The following CTNND2 variants were observed in gnomAD, a reference collection of about 807,000 sequenced individuals.
CTNND2 encodes the protein catenin delta 2.
Under a neutral mutation model 144.4 loss-of-function variants are expected in CTNND2, and 22 were observed. The observed-to-expected ratio is 0.15, with a 90% CI of 0.11 to 0.22. The LOEUF is 0.22. Ranked by LOEUF, CTNND2 falls within the 10% of genes least tolerant of loss-of-function variation. The pLI is 1.00. For synonymous variants in CTNND2, 751 were observed against 695.6 expected, an observed-to-expected ratio of 1.08 and a Z score of -1.25; for missense variants, 1,353 against 1,618.8, an observed-to-expected ratio of 0.84 and a Z score of 2.82.
rs1024489062 is a variant in CTNND2, at chr5:11,364,853, G to A, written c.1215C>T (p.His405=). Residue 405 remains histidine, a synonymous_variant, in exon 8 of 22, where the codon CAC becomes CAT. Transcript: ENST00000304623. The part of the protein sequence containing the change: ...SRASYSSQHG[H]LGPELRALQS... ...GCAGGGCCCGCAACTCTGGGCCCAG[G>A]TGCCCATGCTGGCTGCTGTATGAGG... 1.2e-6 allele frequency: 2 copies of A among 1,613,398 alleles called. No individual in the cohort carries two copies. The highest frequency in any genetic ancestry group is 2.2e-5 in the East Asian group (1 of 44,774).
intron 11 of CTNND2, 110 bp from the exon 12 acceptor site, chr5:11,159,869 G>A (rs2149768115): frequency 1.2e-6 from 1 of 817,726 alleles, no homozygotes; most frequent in East Asian, 2.6e-5. Context: ...TGAAAATACT[G>A]TGGACACACA....
intron 1 of CTNND2, among the ~76,000 whole-genome samples, chr5:11,826,113 A>C (rs1793585389): frequency 6.6e-6 from 1 of 152,040 alleles, no homozygotes; most frequent in South Asian, 2.1e-4. Context: ...AAATTTTTTA[A>C]TCATTTAAAA....
chr5:10,986,618 C>T (rs1737992528), intron 20 of CTNND2: 1 of 449,106 alleles, frequency 2.2e-6, no homozygotes, highest in South Asian at 1.6e-5. Flanking sequence ...TAAGGGGAAA[C>T]AGTGAATGTG....
chr5:11,672,939 G>T (rs994164322), intron 2 of CTNND2, among the ~76,000 whole-genome samples: 1 of 152,132 alleles, frequency 6.6e-6, no homozygotes, highest in Admixed American at 6.5e-5. Context: ...GCTGCACCCT[G>T]TCCAACCAGT....
intron 2 of CTNND2, among the ~76,000 whole-genome samples, chr5:11,652,303 T>G (rs1189389733): frequency 6.6e-6 from 1 of 151,980 alleles, no homozygotes; most frequent in Non-Finnish European, 1.5e-5. Flanking sequence ...CCTTTTGCCT[T>G]CTGTCATAAT....
At chr5:11,899,038 T>C (rs1269463917) in intron 1 of CTNND2, among the ~76,000 whole-genome samples, 1 of 152,118 alleles carries the variant, frequency 6.6e-6, no homozygotes, top group East Asian at 1.9e-4. Context: ...CTCTTAAGAG[T>C]GAAACAAAGC....
intron 1 of CTNND2, among the ~76,000 whole-genome samples, chr5:11,802,456 A>G (rs1183945299): frequency 6.6e-6 from 1 of 151,752 alleles, no homozygotes; most frequent in Admixed American, 6.6e-5. Flanking sequence ...AATCCCAGCT[A>G]CTCAGGAGGT....
At chr5:11,634,376 G>A (rs1404157420) in intron 2 of CTNND2, among the ~76,000 whole-genome samples, 2 of 152,132 alleles carry the variant, frequency 1.3e-5, no homozygotes, top group Non-Finnish European at 2.9e-5. Flanking sequence ...GAATTTGAGA[G>A]AGCAGAAGCC....
intron 9 of CTNND2, among the ~76,000 whole-genome samples, chr5:11,252,329 T>A (rs1174569331): frequency 6.6e-6 from 1 of 152,174 alleles, no homozygotes; most frequent in East Asian, 1.9e-4. Flanking sequence ...AACAAGCAGC[T>A]CTTTCTAGAT....
intron 2 of CTNND2, among the ~76,000 whole-genome samples, chr5:11,590,950 A>T (rs1779205034): frequency 6.6e-6 from 1 of 152,232 alleles, no homozygotes; most frequent in African/African-American, 2.4e-5. Flanking sequence ...CACTTTTTAT[A>T]CAATTGCTTG....
At chr5:11,182,230 ATATG>A in intron 11 of CTNND2, among the ~76,000 whole-genome samples, 1 of 142,826 alleles carries the variant, frequency 7.0e-6, no homozygotes, top group South Asian at 2.3e-4. Context: ...TGTGTGTGGT[ATATG>A]TGTGTGGTGT....
chr5:11,760,577 A>T (rs1789203163), intron 1 of CTNND2, among the ~76,000 whole-genome samples: 1 of 152,196 alleles, frequency 6.6e-6, no homozygotes, highest in African/African-American at 2.4e-5. Flanking sequence ...AGGCAAAGGA[A>T]AAATTATAAA....
At chr5:11,793,708 T>C (rs1791256010) in intron 1 of CTNND2, among the ~76,000 whole-genome samples, 1 of 152,180 alleles carries the variant, frequency 6.6e-6, no homozygotes, top group South Asian at 2.1e-4. Context: ...TTCAGACTTC[T>C]GACCTCCAGA....
intron 18 of CTNND2, among the ~76,000 whole-genome samples, chr5:11,009,117 A>G (rs774956553): frequency 1.4e-4 from 21 of 152,228 alleles, no homozygotes; most frequent in Admixed American, 5.2e-4. Flanking sequence ...GTCTGTGTGT[A>G]GTCTGAGGCT....
chr5:11,604,320 G>C (rs528664880), intron 2 of CTNND2, among the ~76,000 whole-genome samples: 1 of 152,206 alleles, frequency 6.6e-6, no homozygotes, highest in Non-Finnish European at 1.5e-5. Context: ...ACTTGCTGCC[G>C]TGAGTTGGAC....
chr5:11,514,237 T>A (rs951331183), intron 3 of CTNND2, among the ~76,000 whole-genome samples: 1 of 152,032 alleles, frequency 6.6e-6, no homozygotes, highest in Non-Finnish European at 1.5e-5. Flanking sequence ...GGTGCAATAG[T>A]TTCAATATAC....
chr5:11,544,104 A>G (rs999070468), intron 3 of CTNND2, among the ~76,000 whole-genome samples: 1 of 152,222 alleles, frequency 6.6e-6, no homozygotes, highest in African/African-American at 2.4e-5. Context: ...AGCATATGTA[A>G]TATACTTAAA....
chr5:11,127,882 G>T (rs1486728571), intron 12 of CTNND2, among the ~76,000 whole-genome samples: 1 of 152,142 alleles, frequency 6.6e-6, no homozygotes, highest in Non-Finnish European at 1.5e-5. Flanking sequence ...AACCTTTGGG[G>T]ACTGTGGATG....
At chr5:11,265,744 A>G (rs184165179) in intron 9 of CTNND2, among the ~76,000 whole-genome samples, 2,197 of 116,044 alleles carry the variant, frequency 0.019, 29 homozygotes, top group Admixed American at 0.061. Flanking sequence ...CTCGCTCTGT[A>G]GCCCAGGCTG....
Sources: allele counts gnomAD v4.1 joint callset (sites outside exome capture counted in the v4.1 genomes callset), GRCh38; gene constraint gnomAD v4.1.1; transcripts MANE v1.5; gene names NCBI Gene and HGNC (gene_info 2026-07-23, HGNC 2026-07-21).